Variants in GRID2IP observed in about 807,000 individuals in gnomAD.
The protein encoded by GRID2IP is delphilin.
A neutral mutation model predicts 114.3 loss-of-function variants in GRID2IP; 78 were observed. That is an observed-to-expected ratio of 0.68 (90% CI 0.57 to 0.82). The LOEUF is 0.82. Ranked by LOEUF, GRID2IP falls within the 40% of genes least tolerant of loss-of-function variation. The pLI, the probability that GRID2IP is intolerant of heterozygous loss-of-function variation, is 0.00. For missense variants in GRID2IP, 1,727 were observed against 1,678.5 expected (o/e 1.03, Z -0.51); for synonymous variants, 809 against 724.0 (o/e 1.12, Z -1.89).
chr7:6,520,730 C>T lies in GRID2IP; in HGVS notation c.1116G>A (p.Ser372=), dbSNP rs748934665. The T allele has an allele frequency of 6.4e-6, 10 of 1,551,558 alleles. No individual in the cohort carries two copies. Among genetic ancestry groups the T allele is most frequent in the Admixed American group, 5.9e-5 (3 of 50,998 alleles). Residue 372 remains serine, a synonymous_variant, in exon 7 of 22, where the codon TCG becomes TCA. Coordinates refer to ENST00000457091, the MANE Select transcript of GRID2IP (RefSeq NM_001145118.2). The surrounding 1 kb of genome is among the most constrained non-coding windows in gnomAD (Gnocchi z 4.6). Reference sequence around the variant, plus strand: ...CCCACTGCAGGGAGGTGAGCGCCGACGACGGGTTGGGTGAGTCCAGAGAAT... The same window carrying T: ...CCCACTGCAGGGAGGTGAGCGCCGATGACGGGTTGGGTGAGTCCAGAGAAT... The part of the protein sequence containing the change: ...DSDSLDSPNP[S]SALTSLQWVA...
intron 1 of GRID2IP, among the ~76,000 whole-genome samples, chr7:6,540,159 C>T (rs1034554916): frequency 2.0e-4 from 29 of 145,396 alleles, no homozygotes; most frequent in African/African-American, 6.1e-4. Context: ...TGTTACCAGG[C>T]TGCAGTGCAG....
intron 7 of GRID2IP, among the ~76,000 whole-genome samples, chr7:6,514,951 CAAA>C (rs537586098): frequency 3.9e-5 from 3 of 76,106 alleles, no homozygotes; most frequent in Admixed American, 1.4e-4. Context: ...GACTCCAACT[CAAA>C]AAAAAAAAAA....
rs1440624015 is a variant in GRID2IP, at chr7:6,532,505, T to G, written c.585-5736A>C. 6.6e-6 allele frequency among the ~76,000 whole-genome samples: 1 copy of G among 152,100 alleles called. No individual in the cohort carries two copies. The highest frequency in any genetic ancestry group is 2.4e-5 in the African/African-American group (1 of 41,408). On this transcript the variant is annotated intron_variant, in intron 2 of 21. Coordinates refer to ENST00000457091, the MANE Select transcript of GRID2IP (RefSeq NM_001145118.2). The surrounding 1 kb of genome is among the most constrained non-coding windows in gnomAD (Gnocchi z 4.4). ...ACTGCAGCCCCCCATTCCTGGCCCT[T>G]GCAAGACCATCACTTTGCTGTGACC...
At position 6,528,779 on chromosome 7, in the gene GRID2IP, C is replaced by T. The variant is rs940241; in HGVS notation, c.585-2010G>A. Among the ~76,000 whole-genome samples the T allele has an allele frequency of 0.85, 128,829 of 151,816 alleles. 55,338 individuals are homozygous for T. Among genetic ancestry groups the T allele is most frequent in the Non-Finnish European group, 0.89 (60,598 of 67,932 alleles). ...GAGGCTCTGTCCCCGCAGTGAGCTC[C>T]GCTCCAGGTCTCGATGGTCCGGGGG... On this transcript the variant is annotated intron_variant, in intron 2 of 21. Transcript: ENST00000457091. The surrounding 1 kb of genome is among the most constrained non-coding windows in gnomAD (Gnocchi z 6.0).
Position 6,521,562 on chromosome 7 carries a change from T to C in GRID2IP, c.990-39A>G. On this transcript the variant is annotated intron_variant, in intron 5 of 21. Transcript: ENST00000457091. The surrounding 1 kb of genome is among the most constrained non-coding windows in gnomAD (Gnocchi z 4.1). ...ATGGCCCAGGAGGGCCTGACTGGGG[T>C]GAGCCCTGTCCACGGCCACCAGCCA... The C allele has an allele frequency of 6.8e-7, 1 of 1,459,982 alleles. No individual in the cohort carries two copies. Among genetic ancestry groups the C allele is most frequent in the Non-Finnish European group, 9.3e-7 (1 of 1,079,278 alleles). 90.4% of individuals were successfully genotyped at this position (1,459,982 alleles called of 1,614,324 possible).
At chr7:6,530,822 C>T (rs569462966) in intron 2 of GRID2IP, among the ~76,000 whole-genome samples, 68 of 152,358 alleles carry the variant, frequency 4.5e-4, no homozygotes, top group African/African-American at 1.5e-3. Flanking sequence ...TATCCCAACA[C>T]CGACTCTTTA....
intron 2 of GRID2IP, among the ~76,000 whole-genome samples, chr7:6,538,262 A>C (rs1441515506): frequency 6.6e-6 from 1 of 152,160 alleles, no homozygotes; most frequent in Non-Finnish European, 1.5e-5. Context: ...GCTACTCAGG[A>C]GGCTGTGGCA....
intron 8 of GRID2IP, among the ~76,000 whole-genome samples, chr7:6,513,722 G>A (rs1333016934): frequency 1.3e-5 from 2 of 152,240 alleles, no homozygotes; most frequent in Non-Finnish European, 2.9e-5. Context: ...TAGCCCTGGT[G>A]TATTGGGTGT....
intron 4 of GRID2IP, among the ~76,000 whole-genome samples, chr7:6,524,463 A>C (rs1358151137): frequency 6.6e-6 from 1 of 152,120 alleles, no homozygotes; most frequent in Admixed American, 6.5e-5. Context: ...TCTGCCCTAC[A>C]AACACCTTCC....
Position 6,521,739 on chromosome 7 carries a change from A to G in GRID2IP, c.989+149T>C. 1 of 692,392 alleles carries G rather than the reference A, an allele frequency of 1.4e-6. No homozygotes were observed. Among genetic ancestry groups the G allele is most frequent in the South Asian group, 1.9e-5 (1 of 53,800 alleles). 42.9% of individuals were successfully genotyped at this position (692,392 alleles called of 1,614,324 possible). ...ACTGGCGAGGAGGAGGGTTAGATTCAAGAGTTCCCATTGGAAGAGGGACAG... is the reference window on the plus strand; with the variant it reads ...ACTGGCGAGGAGGAGGGTTAGATTCGAGAGTTCCCATTGGAAGAGGGACAG... On this transcript the variant is annotated intron_variant, in intron 5 of 21. Coordinates refer to ENST00000457091, the MANE Select transcript of GRID2IP (RefSeq NM_001145118.2). The surrounding 1 kb of genome is among the most constrained non-coding windows in gnomAD (Gnocchi z 4.1).
chr7:6,548,808 C>T (rs1779924642), intron 1 of GRID2IP, among the ~76,000 whole-genome samples: 2 of 150,282 alleles, frequency 1.3e-5, no homozygotes, highest in Admixed American at 1.3e-4. Context: ...CACCACTGCA[C>T]TCCAGCCTGG....
chr7:6,531,645 T>C (rs1328499721), intron 2 of GRID2IP, among the ~76,000 whole-genome samples: 2 of 152,194 alleles, frequency 1.3e-5, no homozygotes, highest in South Asian at 2.1e-4. Context: ...ACTACAGGCA[T>C]ATACCATCAT....
chr7:6,547,810 G>A (rs1465346301), intron 1 of GRID2IP, among the ~76,000 whole-genome samples: 1 of 152,184 alleles, frequency 6.6e-6, no homozygotes, highest in Non-Finnish European at 1.5e-5. Flanking sequence ...AAGGGGTTAG[G>A]ACTGGACCAA....
Position 6,523,865 on chromosome 7 carries a change from C to T in GRID2IP, c.920-1908G>A, listed in dbSNP as rs1779457745. 6.6e-6 allele frequency among the ~76,000 whole-genome samples: 1 copy of T among 152,146 alleles called. No individual in the cohort carries two copies. Among genetic ancestry groups the T allele is most frequent in the Non-Finnish European group, 1.5e-5 (1 of 68,026 alleles). Reference sequence around the variant, plus strand: ...AAGGCCCTAGGCCAGGTATCTCTGGCTACACATGTGGGAGAGACTGGGAGA... The same window carrying T: ...AAGGCCCTAGGCCAGGTATCTCTGGTTACACATGTGGGAGAGACTGGGAGA... On this transcript the variant is annotated intron_variant, in intron 4 of 21. Transcript: ENST00000457091. This position sits in a 1 kb window ranked among gnomAD's most constrained non-coding sequence, Gnocchi z 4.5.
intron 1 of GRID2IP, among the ~76,000 whole-genome samples, chr7:6,543,997 A>G (rs1779849558): frequency 6.6e-6 from 1 of 151,626 alleles, no homozygotes; most frequent in Admixed American, 6.6e-5. Flanking sequence ...GGGTTTCACC[A>G]TGTTGGCCAG....
chr7:6,526,383 G>C lies in GRID2IP; in HGVS notation c.834-74C>G. The C allele has an allele frequency of 6.6e-7, 1 of 1,506,742 alleles. No individual in the cohort carries two copies. 93.3% of individuals were successfully genotyped at this position (1,506,742 alleles called of 1,614,324 possible). A position where few individuals can be genotyped will look rare whatever the true frequency, so the allele number is the denominator to read the frequency against. On this transcript the variant is annotated intron_variant, in intron 3 of 21. Transcript: ENST00000457091. This position sits in a 1 kb window ranked among gnomAD's most constrained non-coding sequence, Gnocchi z 7.6. ...GGCGCAGAGGTTGGAGATGTCCCGT[G>C]TCCCTCTCCCCTTAACCTCTCCGGC...
At position 6,510,961 on chromosome 7, in the gene GRID2IP, G is replaced by T; in HGVS notation, c.1502C>A (p.Ser501Tyr). ...PQPRSSLRAS[S>Y]MCRRSLRSQG... Reference sequence around the variant, plus strand: ...GGACCGGAGGCTGCGGCGGCACATGGAGGAAGCCCGCAGGGAGCTCCGCGG... The same window carrying T: ...GGACCGGAGGCTGCGGCGGCACATGTAGGAAGCCCGCAGGGAGCTCCGCGG... The change falls in exon 9 of 22, where the codon TCC becomes TAC. Residue 501 changes from serine to tyrosine, a missense_variant. By Grantham distance (144) the Ser-to-Tyr change is moderately radical. Transcript: ENST00000457091. The T allele has an allele frequency of 1.3e-6, 2 of 1,548,188 alleles. No homozygotes were observed. Among genetic ancestry groups the T allele is most frequent in the Non-Finnish European group, 1.7e-6 (2 of 1,145,298 alleles).
chr7:6,540,737 G>C (rs1172027441), intron 1 of GRID2IP, among the ~76,000 whole-genome samples: 2 of 131,450 alleles, frequency 1.5e-5, no homozygotes, highest in African/African-American at 5.9e-5. Flanking sequence ...TACCATGTTG[G>C]CCAGGCTGGT....
chr7:6,522,810 T>TG (rs1235824579), intron 4 of GRID2IP, among the ~76,000 whole-genome samples: 1 of 66,374 alleles, frequency 1.5e-5, no homozygotes, highest in African/African-American at 4.0e-5. Flanking sequence ...GGCTAATATG[T>TG]GTGTGTGTGT....
Sources: gnomAD v4.1 joint callset for allele counts (sites outside exome capture counted in the v4.1 genomes callset) on GRCh38, gnomAD v4.1.1 for gene constraint, Gnocchi (gnomAD v3.1) non-coding constraint, MANE v1.5 for transcripts, NCBI Gene and HGNC (gene_info 2026-07-23, HGNC 2026-07-21) for gene names.